FSTL4: variants seen among roughly 807,000 people sequenced by gnomAD.
FSTL4 encodes follistatin-related protein 4.
In FSTL4, 28 loss-of-function variants were observed where a neutral mutation model predicts 78.2. The ratio of observed to expected loss-of-function variants is 0.36; its 90% CI spans 0.27 to 0.49. FSTL4 has a LOEUF of 0.49. Ranked by LOEUF, FSTL4 falls within the 20% of genes least tolerant of loss-of-function variation. The pLI, the probability that FSTL4 is intolerant of heterozygous loss-of-function variation, is 0.98. For missense variants in FSTL4, 922 were observed against 1,084.9 expected, an observed-to-expected ratio of 0.85 and a Z score of 2.11; for synonymous variants, 422 against 440.5, an observed-to-expected ratio of 0.96 and a Z score of 0.53.
intron 3 of FSTL4, among the ~76,000 whole-genome samples, chr5:133,527,640 G>T (rs1759164212): frequency 6.6e-6 from 1 of 152,226 alleles, no homozygotes; most frequent in East Asian, 1.9e-4. Flanking sequence ...ACAGCTGAGG[G>T]AACTCAGAGT....
At chr5:133,699,511 G>A in the FSTL4 span, among the ~76,000 whole-genome samples, 1 of 151,958 alleles carries the variant, frequency 6.6e-6, no homozygotes, top group African/African-American at 2.4e-5. Flanking sequence ...TAAAGAAATG[G>A]AGGCTCAGAA....
At chr5:133,689,265 C>T in the FSTL4 span, among the ~76,000 whole-genome samples, 1 of 152,288 alleles carries the variant, frequency 6.6e-6, no homozygotes, top group East Asian at 1.9e-4. Flanking sequence ...TTCCCTTGTC[C>T]AGATAACTCC....
chr5:133,555,476 C>A (rs1250452811), intron 3 of FSTL4, among the ~76,000 whole-genome samples: 1 of 152,174 alleles, frequency 6.6e-6, no homozygotes. Context: ...ATACCAATGA[C>A]CATATCTTCA....
chr5:133,679,026 C>CTATA, the FSTL4 span, among the ~76,000 whole-genome samples: 9 of 152,162 alleles, frequency 5.9e-5, no homozygotes, highest in African/African-American at 2.2e-4. Context: ...CATAGCAAGG[C>CTATA]TATATCACTG....
At chr5:133,703,528 G>A in the FSTL4 span, among the ~76,000 whole-genome samples, 1 of 152,306 alleles carries the variant, frequency 6.6e-6, no homozygotes, top group Non-Finnish European at 1.5e-5. Context: ...TTCTTTGCGA[G>A]ACACTTCCGT....
rs1754584041 is a variant in FSTL4, at chr5:133,341,623, C to G, written c.410-24971G>C. Among the ~76,000 whole-genome samples, 3 of 152,240 alleles carry G rather than the reference C, an allele frequency of 2.0e-5. 1 individual carries two copies. Among genetic ancestry groups the G allele is most frequent in the Middle Eastern group, 6.8e-3 (2 of 294 alleles). ...ACAGCCACCTACCAACACCTCTGTTCTAACTCCAGGGCCTGTCACCTCTCT... is the reference window on the plus strand; with the variant it reads ...ACAGCCACCTACCAACACCTCTGTTGTAACTCCAGGGCCTGTCACCTCTCT... On this transcript the variant is annotated intron_variant, in intron 4 of 15. Transcript: ENST00000265342.
the FSTL4 span, among the ~76,000 whole-genome samples, chr5:133,828,287 A>G: frequency 6.6e-6 from 1 of 152,156 alleles, no homozygotes; most frequent in Non-Finnish European, 1.5e-5. Context: ...AATTCTAAGT[A>G]CATATGTATA....
At chr5:133,573,026 C>T (rs184972656) in intron 2 of FSTL4, among the ~76,000 whole-genome samples, 7 of 152,152 alleles carry the variant, frequency 4.6e-5, no homozygotes, top group African/African-American at 9.6e-5. Flanking sequence ...AGGTGGATCA[C>T]GAGGTCAGGA....
chr5:133,214,073 C>T (rs988838066), intron 13 of FSTL4, among the ~76,000 whole-genome samples: 4 of 151,960 alleles, frequency 2.6e-5, no homozygotes, highest in Non-Finnish European at 5.9e-5. Flanking sequence ...TAGAACTTTG[C>T]GAAATATAGT....
the FSTL4 span, among the ~76,000 whole-genome samples, chr5:133,830,627 A>C: frequency 6.6e-6 from 1 of 152,184 alleles, no homozygotes; most frequent in African/African-American, 2.4e-5. Flanking sequence ...TCCCAGATGA[A>C]AAAACCGAGC....
chr5:133,673,459 G>T, the FSTL4 span, among the ~76,000 whole-genome samples: 4 of 152,174 alleles, frequency 2.6e-5, no homozygotes, highest in Non-Finnish European at 4.4e-5. Context: ...CCTAAAATTA[G>T]GTGGAACAGG....
intron 6 of FSTL4, among the ~76,000 whole-genome samples, chr5:133,269,184 C>CAAAAAA (rs869156118): frequency 5.1e-4 from 30 of 58,798 alleles, no homozygotes; most frequent in African/African-American, 8.3e-4. Flanking sequence ...GACTCCATCT[C>CAAAAAA]AAAAAAAAAA....
chr5:133,752,624 AAAATT>A, the FSTL4 span, among the ~76,000 whole-genome samples: 143 of 147,842 alleles, frequency 9.7e-4, 1 homozygote, highest in Middle Eastern at 0.017. Flanking sequence ...AAAATAAAAT[AAAATT>A]AAATTAAATT....
At chr5:133,682,824 C>T in the FSTL4 span, among the ~76,000 whole-genome samples, 1 of 152,162 alleles carries the variant, frequency 6.6e-6, no homozygotes, top group African/African-American at 2.4e-5. Flanking sequence ...AGCCTCCCTT[C>T]CTTAGGATCC....
At chr5:133,831,524 G>A in the FSTL4 span, among the ~76,000 whole-genome samples, 2,452 of 152,184 alleles carry the variant, frequency 0.016, 35 homozygotes, top group Middle Eastern at 0.027. Flanking sequence ...ATATCACCTC[G>A]TAAACGACTC....
At chr5:133,792,734 G>A in the FSTL4 span, among the ~76,000 whole-genome samples, 16 of 152,174 alleles carry the variant, frequency 1.1e-4, no homozygotes, top group Non-Finnish European at 2.2e-4. Flanking sequence ...ATGGAAAGTC[G>A]AAGGAGAGGA....
At chr5:133,289,303 C>G (rs1342804150) in intron 6 of FSTL4, among the ~76,000 whole-genome samples, 1 of 152,218 alleles carries the variant, frequency 6.6e-6, no homozygotes, top group Non-Finnish European at 1.5e-5. Context: ...TTTCTCTTGC[C>G]TTGAAGTAGA....
Position 133,225,072 on chromosome 5 carries a change from T to A in FSTL4, c.1312+78A>T. 1 of 1,531,682 alleles carries A rather than the reference T, an allele frequency of 6.5e-7. No homozygotes were observed. Among genetic ancestry groups the A allele is most frequent in the Non-Finnish European group, 9.0e-7 (1 of 1,108,772 alleles). The allele number at this position is 1,531,682 out of a possible 1,614,324, so 94.9% of individuals were successfully genotyped here. On this transcript the variant is annotated intron_variant, in intron 10 of 15. Coordinates refer to ENST00000265342, the MANE Select transcript of FSTL4 (RefSeq NM_015082.2). The surrounding 1 kb of genome is among the most constrained non-coding windows in gnomAD (Gnocchi z 4.6). Reference sequence around the variant, plus strand: ...GGCTCATGGTTGGCAGCTGTGGCCCTGGTCAATTGGTGCCCTCCCTTGCCA... The same window carrying A: ...GGCTCATGGTTGGCAGCTGTGGCCCAGGTCAATTGGTGCCCTCCCTTGCCA...
chr5:133,408,451 A>T (rs6861553), intron 3 of FSTL4, among the ~76,000 whole-genome samples: 4,517 of 152,166 alleles, frequency 0.03, 215 homozygotes, highest in African/African-American at 0.1. Flanking sequence ...AGACAGAGAG[A>T]ACTTTCTCCT....
Sources: gnomAD v4.1 joint callset for allele counts (sites outside exome capture counted in the v4.1 genomes callset) on GRCh38, gnomAD v4.1.1 for gene constraint, Gnocchi (gnomAD v3.1) non-coding constraint, MANE v1.5 for transcripts, NCBI Gene and HGNC (gene_info 2026-07-23, HGNC 2026-07-21) for gene names.